Variants in FGGY observed in about 807,000 individuals in gnomAD.
FGGY encodes FGGY carbohydrate kinase domain-containing protein.
A neutral mutation model predicts 71.3 loss-of-function variants in FGGY; 72 were observed. The observed-to-expected ratio is 1.01, with a 90% CI of 0.84 to 1.23. FGGY has a LOEUF of 1.23. Among genes scored for constraint, FGGY ranks in the 50% most tolerant of loss-of-function variants. The pLI is 0.00. For synonymous variants in FGGY, 251 were observed against 250.3 expected, an observed-to-expected ratio of 1.00 and a Z score of -0.02; for missense variants, 668 against 682.3, an observed-to-expected ratio of 0.98 and a Z score of 0.23.
At chr1:59,701,227 G>T (rs1362616812) in intron 14 of FGGY, among the ~76,000 whole-genome samples, 3 of 152,142 alleles carry the variant, frequency 2.0e-5, no homozygotes, top group African/African-American at 7.2e-5. Context: ...TGCAAAGTCA[G>T]TTAAGATGAA....
intron 7 of FGGY, among the ~76,000 whole-genome samples, chr1:59,530,368 A>G (rs1368986674): frequency 1.3e-5 from 2 of 152,202 alleles, no homozygotes; most frequent in Non-Finnish European, 2.9e-5. Flanking sequence ...CAGGTAACAT[A>G]TCTGCCTTTC....
intron 6 of FGGY, among the ~76,000 whole-genome samples, chr1:59,501,582 T>C (rs1054865178): frequency 1.3e-5 from 2 of 152,232 alleles, no homozygotes; most frequent in East Asian, 3.8e-4. Flanking sequence ...CTTGAAAGCA[T>C]TGGACATCTT....
At chr1:59,566,586 G>A (rs1005636422) in intron 8 of FGGY, among the ~76,000 whole-genome samples, 3 of 151,874 alleles carry the variant, frequency 2.0e-5, no homozygotes, top group Non-Finnish European at 2.9e-5. Context: ...AAGTCCCTAC[G>A]TAATTAACCA....
chr1:59,700,955 A>G (rs1458172465), intron 14 of FGGY, among the ~76,000 whole-genome samples: 3 of 152,196 alleles, frequency 2.0e-5, no homozygotes, highest in South Asian at 2.1e-4. Context: ...AAGCAAAAAA[A>G]GCAGGGAGGC....
chr1:59,587,015 G>A (rs902588291), intron 8 of FGGY, among the ~76,000 whole-genome samples: 1 of 152,220 alleles, frequency 6.6e-6, no homozygotes, highest in Non-Finnish European at 1.5e-5. Context: ...GGAAGCACAA[G>A]GGGTCAGGGA....
chr1:59,654,558 A>G (rs897012393), intron 11 of FGGY, among the ~76,000 whole-genome samples: 4 of 152,148 alleles, frequency 2.6e-5, no homozygotes, highest in Non-Finnish European at 5.9e-5. Flanking sequence ...TCTTGCTAAT[A>G]TGTATAAACA....
At position 59,565,290 on chromosome 1, in the gene FGGY, C is replaced by CT. The variant is rs1422033978; in HGVS notation, c.903+11072dup. Among the ~76,000 whole-genome samples the CT allele has an allele frequency of 4.7e-4, 71 of 151,202 alleles. No homozygotes were observed. The South Asian group carries it at 0.01, about 22-fold the overall frequency. ...AGGCTGTCTAGCTAGTAAGTCCTTT[C>CT]TTTTTTTTTAAGACAGAGTCTTGTC... On this transcript the variant is annotated intron_variant, in intron 8 of 15. Transcript: ENST00000303721.
rs192420833 is a variant in FGGY, at chr1:59,304,734, A to G, written c.-15+7584A>G. ...GTTTCCATTTATTTGTGTCTTCTTC[A>G]GTTTCTTTCATCATAGGTTTATAGT... On this transcript the variant is annotated intron_variant, in intron 1 of 15. Transcript: ENST00000303721. 5.1e-4 allele frequency among the ~76,000 whole-genome samples: 78 copies of G among 151,982 alleles called. 2 individuals are homozygous for G. In the Middle Eastern group the frequency reaches 0.017, roughly 33 times the overall value.
At chr1:59,543,818 A>G (rs2095481821) in intron 7 of FGGY, among the ~76,000 whole-genome samples, 1 of 151,798 alleles carries the variant, frequency 6.6e-6, no homozygotes, top group Non-Finnish European at 1.5e-5. Context: ...TGAGGGGATT[A>G]TCTGGGGTGC....
At chr1:59,521,843 T>G (rs1387947912) in intron 7 of FGGY, among the ~76,000 whole-genome samples, 1 of 152,208 alleles carries the variant, frequency 6.6e-6, no homozygotes, top group African/African-American at 2.4e-5. Context: ...TATATCCCAT[T>G]TAATGGCCAC....
At chr1:59,651,376 C>T (rs371028390) in intron 11 of FGGY, among the ~76,000 whole-genome samples, 183 of 149,204 alleles carry the variant, frequency 1.2e-3, no homozygotes, top group African/African-American at 4.0e-3. Flanking sequence ...ATTATTAATG[C>T]GTGGGAGTCT....
At chr1:59,339,076 G>A (rs567421243) in intron 2 of FGGY, among the ~76,000 whole-genome samples, 132 of 152,212 alleles carry the variant, frequency 8.7e-4, no homozygotes, top group African/African-American at 3.1e-3. Context: ...CATAAACTTT[G>A]TTTCATGCAC....
chr1:59,699,397 G>T (rs2097691465), intron 14 of FGGY: 2 of 985,188 alleles, frequency 2.0e-6, no homozygotes, highest in African/African-American at 3.5e-5. Context: ...TCTTTTTGAC[G>T]GTTCAGGCTT....
At chr1:59,471,788 G>T (rs1033835377) in intron 6 of FGGY, among the ~76,000 whole-genome samples, 7 of 152,152 alleles carry the variant, frequency 4.6e-5, no homozygotes, top group African/African-American at 1.7e-4. Flanking sequence ...TAGGGGTAGG[G>T]GCAGGTAAAT....
chr1:59,580,695 G>A (rs956382318), intron 8 of FGGY, among the ~76,000 whole-genome samples: 2 of 152,108 alleles, frequency 1.3e-5, no homozygotes, highest in Non-Finnish European at 2.9e-5. Flanking sequence ...GCATGCAACT[G>A]TATGAATCCT....
chr1:59,385,072 G>A (rs955406819), intron 5 of FGGY, among the ~76,000 whole-genome samples: 5 of 152,132 alleles, frequency 3.3e-5, no homozygotes, highest in Admixed American at 6.6e-5. Flanking sequence ...ACAAGTGATC[G>A]AATTTCACCC....
At chr1:59,308,330 A>C (rs535770879) in intron 1 of FGGY, among the ~76,000 whole-genome samples, 13 of 152,212 alleles carry the variant, frequency 8.5e-5, no homozygotes, top group Non-Finnish European at 1.8e-4. Context: ...AATTAGGACT[A>C]GAGGGTAGGA....
chr1:59,468,084 G>C (rs921053192), intron 6 of FGGY, among the ~76,000 whole-genome samples: 1 of 151,920 alleles, frequency 6.6e-6, no homozygotes, highest in Non-Finnish European at 1.5e-5. Context: ...TGTATTTTTA[G>C]TAGAGACGGG....
chr1:59,467,824 T>C lies in FGGY; in HGVS notation c.670+10748T>C, dbSNP rs1271319128. Reference sequence around the variant, plus strand: ...GAAATATTCATTGAATGAGTTAATATATGTTTGAATTAAGGATTTGATTTT... The same window carrying C: ...GAAATATTCATTGAATGAGTTAATACATGTTTGAATTAAGGATTTGATTTT... On this transcript the variant is annotated intron_variant, in intron 6 of 15. Transcript: ENST00000303721. 3.3e-5 allele frequency among the ~76,000 whole-genome samples: 5 copies of C among 152,282 alleles called. No individual in the cohort carries two copies. In the South Asian group the frequency reaches 8.3e-4, roughly 25 times the overall value.
Sources: allele counts gnomAD v4.1 joint callset (sites outside exome capture counted in the v4.1 genomes callset), GRCh38; gene constraint gnomAD v4.1.1; transcripts MANE v1.5; gene names NCBI Gene and HGNC (gene_info 2026-07-23, HGNC 2026-07-21).